PITPNC1: variants seen among roughly 807,000 people sequenced by gnomAD.
The protein encoded by PITPNC1 is cytoplasmic phosphatidylinositol transfer protein 1.
In PITPNC1, 18 loss-of-function variants were observed where a neutral mutation model predicts 44.7. The ratio of observed to expected loss-of-function variants is 0.40; its 90% CI spans 0.28 to 0.60. The LOEUF is 0.60. PITPNC1 is among the 20% of genes least tolerant of loss of function. The pLI is 0.39. For synonymous variants in PITPNC1, 141 were observed against 149.6 expected, an observed-to-expected ratio of 0.94 and a Z score of 0.42; for missense variants, 290 against 418.4, an observed-to-expected ratio of 0.69 and a Z score of 2.68.
At chr17:67,469,547 C>T (rs2039482983) in intron 1 of PITPNC1, among the ~76,000 whole-genome samples, 2 of 152,126 alleles carry the variant, frequency 1.3e-5, no homozygotes, top group Admixed American at 6.6e-5. Context: ...CTGGCTGGAT[C>T]GCCAGCACAC....
rs189781115 is a variant in PITPNC1 at position 67,640,276 on chromosome 17, G to A, written c.462+8038G>A. 4.1e-3 allele frequency among the ~76,000 whole-genome samples: 619 copies of A among 152,226 alleles called. 4 individuals carry two copies. The highest frequency in any genetic ancestry group is 0.014 in the African/African-American group (589 of 41,534). ...GGAGCCTCTAAAACTGGAGGGAGAG[G>A]GAGGAAGCCTGCAAAGGAGACACAA... On this transcript the variant is annotated intron_variant, in intron 6 of 8. Transcript: ENST00000581322.
intron 6 of PITPNC1, among the ~76,000 whole-genome samples, chr17:67,646,615 C>T (rs1372552445): frequency 6.6e-6 from 1 of 152,168 alleles, no homozygotes; most frequent in Non-Finnish European, 1.5e-5. Flanking sequence ...CTCCACCCCT[C>T]CAGGCTCAAG....
chr17:67,467,539 C>T (rs776056976), intron 1 of PITPNC1, among the ~76,000 whole-genome samples: 2 of 152,186 alleles, frequency 1.3e-5, no homozygotes, highest in Admixed American at 6.5e-5. Flanking sequence ...GAGTGGCTCT[C>T]GCAAAATTCT....
chr17:67,513,794 T>G (rs1202570828), intron 1 of PITPNC1, among the ~76,000 whole-genome samples: 1 of 152,112 alleles, frequency 6.6e-6, no homozygotes. Flanking sequence ...GTGAAGCTCT[T>G]TTCCTCCCAC....
chr17:67,675,702 T>G (rs1315540353), intron 8 of PITPNC1, among the ~76,000 whole-genome samples, 160 bp downstream of exon 8: 1 of 152,204 alleles, frequency 6.6e-6, no homozygotes, highest in Non-Finnish European at 1.5e-5. Flanking sequence ...AATGAAGATG[T>G]AATTATAGAA....
At chr17:67,632,416 A>T in intron 6 of PITPNC1, 178 bp downstream of exon 6, 1 of 597,842 alleles carries the variant, frequency 1.7e-6, no homozygotes, top group East Asian at 2.8e-5. Context: ...CTCTTCAGGG[A>T]CCATCATTGG....
Position 67,378,011 on chromosome 17 carries a change from A to C in PITPNC1, c.-144A>C. On this transcript the variant is annotated 5_prime_UTR_variant, in exon 1 of 9. Transcript: ENST00000581322. ...CTGGGGCGGAGAGGAGGAAGCCAGGAGCTGAGCGCGCCGCGGGGGCTGCTT... is the reference window on the plus strand; with the variant it reads ...CTGGGGCGGAGAGGAGGAAGCCAGGCGCTGAGCGCGCCGCGGGGGCTGCTT... 2.2e-6 allele frequency: 1 copy of C among 463,836 alleles called. No homozygotes were observed. Among genetic ancestry groups the C allele is most frequent in the Non-Finnish European group, 3.7e-6 (1 of 268,938 alleles). 28.7% of individuals were successfully genotyped at this position (463,836 alleles called of 1,614,324 possible).
intron 1 of PITPNC1, among the ~76,000 whole-genome samples, chr17:67,441,119 C>T (rs185246913): frequency 5.3e-5 from 8 of 152,180 alleles, no homozygotes; most frequent in Admixed American, 1.3e-4. Context: ...CTCAAACATC[C>T]GCTCAACTGC....
chr17:67,645,324 A>G (rs1415100634), intron 6 of PITPNC1, among the ~76,000 whole-genome samples: 3 of 150,108 alleles, frequency 2.0e-5, no homozygotes, highest in Non-Finnish European at 4.4e-5. Context: ...CTGGGCAACA[A>G]GAGCGAAACT....
rs112777417 is a variant in PITPNC1 at position 67,668,081 on chromosome 17, G to A, written c.463-1427G>A. 1.0e-3 allele frequency among the ~76,000 whole-genome samples: 158 copies of A among 152,120 alleles called. 1 individual carries two copies. Among genetic ancestry groups the A allele is most frequent in the African/African-American group, 3.7e-3 (154 of 41,474 alleles). ...TGTAAAACTCAGTGAATGTGTACAC[G>A]TTACATCCAGGTCAACATATAATCA... is the stretch of plus-strand genomic sequence containing the variant. On this transcript the variant is annotated intron_variant, in intron 6 of 8. Transcript: ENST00000581322.
intron 1 of PITPNC1, among the ~76,000 whole-genome samples, chr17:67,384,047 AAAAC>A (rs1470203452): frequency 2.6e-5 from 4 of 152,144 alleles, no homozygotes; most frequent in Non-Finnish European, 5.9e-5. Flanking sequence ...CAAAAAAACA[AAAAC>A]AAACGAACAA....
At chr17:67,563,803 G>C (rs747999895) in intron 4 of PITPNC1, among the ~76,000 whole-genome samples, 1 of 152,178 alleles carries the variant, frequency 6.6e-6, no homozygotes, top group South Asian at 2.1e-4. Context: ...CAACTCCTCT[G>C]TCTACTTAGT....
intron 4 of PITPNC1, among the ~76,000 whole-genome samples, chr17:67,573,047 G>C (rs975350446): frequency 6.6e-6 from 1 of 152,224 alleles, no homozygotes; most frequent in Non-Finnish European, 1.5e-5. Context: ...CTCCAGAACT[G>C]TGAGAGAATA....
At chr17:67,617,391 G>A (rs989569025) in intron 5 of PITPNC1, among the ~76,000 whole-genome samples, 22 of 152,216 alleles carry the variant, frequency 1.4e-4, no homozygotes, top group African/African-American at 5.1e-4. Context: ...CTGTAACCCA[G>A]CTATTTGGGA....
chr17:67,475,371 G>C (rs933807187), intron 1 of PITPNC1, among the ~76,000 whole-genome samples: 1 of 152,264 alleles, frequency 6.6e-6, no homozygotes, highest in East Asian at 1.9e-4. Flanking sequence ...TACAACATTG[G>C]TTTGTTTCAT....
rs551072186 is a variant in PITPNC1 at position 67,559,447 on chromosome 17, G to A, written c.294+5830G>A. Reference sequence around the variant, plus strand: ...TATCTATGTATCACAATTAACCCTCGATATTTAGTGCAGTACATAATTTTT... The same window carrying A: ...TATCTATGTATCACAATTAACCCTCAATATTTAGTGCAGTACATAATTTTT... On this transcript the variant is annotated intron_variant, in intron 4 of 8. Coordinates refer to ENST00000581322, the MANE Select transcript of PITPNC1 (RefSeq NM_012417.4). Among the ~76,000 whole-genome samples, 7 of 152,170 alleles carry A rather than the reference G, an allele frequency of 4.6e-5. No homozygotes were observed. In the South Asian group the frequency reaches 1.2e-3, roughly 27 times the overall value.
chr17:67,383,117 T>C (rs1203242499), intron 1 of PITPNC1, among the ~76,000 whole-genome samples: 2 of 151,814 alleles, frequency 1.3e-5, no homozygotes, highest in African/African-American at 4.8e-5. Flanking sequence ...TGCCTCAGCC[T>C]CCAGAATAGC....
At chr17:67,640,925 G>T (rs2042086379) in intron 6 of PITPNC1, among the ~76,000 whole-genome samples, 2 of 152,124 alleles carry the variant, frequency 1.3e-5, no homozygotes, top group Non-Finnish European at 2.9e-5. Flanking sequence ...GGAAGGCAAA[G>T]GTTGCAGTGA....
chr17:67,542,906 T>G (rs1367736641), intron 2 of PITPNC1, among the ~76,000 whole-genome samples: 4 of 152,078 alleles, frequency 2.6e-5, no homozygotes, highest in Non-Finnish European at 5.9e-5. Flanking sequence ...GGAGTTAGAG[T>G]CCACAATAAT....
Sources: gnomAD v4.1 joint callset for allele counts (sites outside exome capture counted in the v4.1 genomes callset) on GRCh38, gnomAD v4.1.1 for gene constraint, MANE v1.5 for transcripts, NCBI Gene and HGNC (gene_info 2026-07-23, HGNC 2026-07-21) for gene names.